Variants in MSR1 observed in about 807,000 individuals in gnomAD.
The protein encoded by MSR1 is macrophage scavenger receptor 1.
In MSR1, 53 loss-of-function variants were observed where a neutral mutation model predicts 47.2. The ratio of observed to expected loss-of-function variants is 1.12; its 90% CI spans 0.90 to 1.41. The LOEUF is 1.41. Among genes scored for constraint, MSR1 ranks in the 40% most tolerant of loss-of-function variants. The pLI is 0.00. For synonymous variants in MSR1, 239 were observed against 185.6 expected (o/e 1.29, Z -2.34); for missense variants, 786 against 546.9 (o/e 1.44, Z -4.36).
At chr8:16,111,679 C>T (rs1246173450) in intron 9 of MSR1, among the ~76,000 whole-genome samples, 1 of 151,154 alleles carries the variant, frequency 6.6e-6, no homozygotes, top group Admixed American at 6.6e-5. Flanking sequence ...GGTTGTGGTC[C>T]TGATAATGAA....
At chr8:16,171,352 AT>A (rs1221245275) in intron 3 of MSR1, among the ~76,000 whole-genome samples, 6 of 152,004 alleles carry the variant, frequency 3.9e-5, no homozygotes, top group Non-Finnish European at 7.4e-5. Context: ...ATGATACCAT[AT>A]TTTTCCTTGT....
intron 3 of MSR1, 84 bp downstream of exon 3, chr8:16,175,103 A>G (rs1039240504): frequency 1.5e-5 from 17 of 1,107,496 alleles, no homozygotes; most frequent in Middle Eastern, 3.9e-4. Flanking sequence ...ACCATATACA[A>G]AAGACTGAAT....
intron 8 of MSR1, among the ~76,000 whole-genome samples, chr8:16,133,450 T>C (rs550922818): frequency 1.3e-5 from 2 of 152,240 alleles, no homozygotes; most frequent in Middle Eastern, 3.4e-3. Context: ...ATGAGAGAAA[T>C]GAGCAAGAGC....
At position 16,168,456 on chromosome 8, in the gene MSR1, A is replaced by G. The variant is rs1250866300; in HGVS notation, c.630+2T>C. On this transcript the variant is annotated splice_donor_variant, in intron 4 of 9. Transcript: ENST00000262101. LOFTEE classifies it high-confidence loss of function. ...GTGACCTTGCAGTCCACAAACTCTT[A>G]CCTCTTGTTGTTTGAAGGTATTCTC... The G allele has an allele frequency of 6.2e-7, 1 of 1,613,932 alleles. No homozygotes were observed. Among genetic ancestry groups the G allele is most frequent in the Admixed American group, 1.7e-5 (1 of 60,010 alleles).
chr8:16,188,858 G>A (rs920635720), intron 1 of MSR1, among the ~76,000 whole-genome samples: 2 of 151,420 alleles, frequency 1.3e-5, no homozygotes, highest in African/African-American at 2.4e-5. Context: ...TTTTATGGCT[G>A]CATAGTAGTC....
Position 16,127,101 on chromosome 8 carries a change from T to C in MSR1, c.1034-6495A>G, listed in dbSNP as rs115715920. The stretch of plus-strand genomic sequence containing the variant: ...GAGAAAAAAAGTATCATATATTAAA[T>C]AGCAGTTTCTCAACTACTTTGTGCT... On this transcript the variant is annotated intron_variant, in intron 8 of 9. Transcript: ENST00000262101. Among the ~76,000 whole-genome samples the C allele has an allele frequency of 4.8e-3, 728 of 152,298 alleles. 6 individuals carry two copies. Among genetic ancestry groups the C allele is most frequent in the African/African-American group, 0.016 (675 of 41,578 alleles).
At chr8:16,138,632 G>A (rs114433347) in intron 8 of MSR1, among the ~76,000 whole-genome samples, 11 of 152,118 alleles carry the variant, frequency 7.2e-5, no homozygotes, top group African/African-American at 2.2e-4. Context: ...CGAGGCCATC[G>A]TGTGGCTGAT....
intron 8 of MSR1, among the ~76,000 whole-genome samples, chr8:16,130,479 A>G (rs943401680): frequency 1.3e-5 from 2 of 152,076 alleles, no homozygotes; most frequent in Non-Finnish European, 2.9e-5. Flanking sequence ...GATTTATTTC[A>G]TTTTTTAAAA....
At position 16,177,873 on chromosome 8, in the gene MSR1, C is replaced by A. The variant is rs767497372; in HGVS notation, c.103+13G>T. The stretch of plus-strand genomic sequence containing the variant: ...GAACAACCTCCATGGGCAGCCCATC[C>A]CCCTCTACTTACTCGGAGGAAGCAA... On this transcript the variant is annotated intron_variant, in intron 2 of 9. Transcript: ENST00000262101. 2.5e-6 allele frequency: 4 copies of A among 1,608,516 alleles called. No individual in the cohort carries two copies. In the Admixed American group the frequency reaches 6.7e-5, roughly 27 times the overall value.
At chr8:16,180,174 TTC>T (rs1192934138) in intron 1 of MSR1, among the ~76,000 whole-genome samples, 3 of 151,918 alleles carry the variant, frequency 2.0e-5, no homozygotes, top group Non-Finnish European at 4.4e-5. Context: ...CCCTTCTCTC[TTC>T]TCTCATTCAC....
chr8:16,162,530 A>C (rs1473934747), intron 5 of MSR1, among the ~76,000 whole-genome samples: 1 of 152,044 alleles, frequency 6.6e-6, no homozygotes, highest in African/African-American at 2.4e-5. Flanking sequence ...CCAGTGGTGC[A>C]GGGTTAAATA....
chr8:16,183,625 T>C (rs1323600989), intron 1 of MSR1, among the ~76,000 whole-genome samples: 1 of 142,496 alleles, frequency 7.0e-6, no homozygotes, highest in Non-Finnish European at 1.5e-5. Flanking sequence ...ATATAATATA[T>C]ATAATATATA....
intron 9 of MSR1, 31 bp downstream of exon 9, chr8:16,120,387 A>T (rs1410561865): frequency 1.2e-6 from 2 of 1,611,572 alleles, no homozygotes; most frequent in African/African-American, 2.7e-5. Context: ...AAACAACAAC[A>T]ACAAACCTCA....
intron 1 of MSR1, among the ~76,000 whole-genome samples, chr8:16,190,008 G>A (rs1322616424): frequency 1.4e-5 from 2 of 144,742 alleles, no homozygotes; most frequent in Non-Finnish European, 3.0e-5. Context: ...TCTGCCTCCT[G>A]GGTTCACGTG....
chr8:16,155,233 C>T, intron 5 of MSR1, 89 bp from the exon 6 acceptor site: 2 of 896,794 alleles, frequency 2.2e-6, no homozygotes, highest in Non-Finnish European at 3.6e-6. Flanking sequence ...TAAGGAAATC[C>T]AAAGTCTTCT....
At chr8:16,122,409 T>C (rs1316966313) in intron 8 of MSR1, among the ~76,000 whole-genome samples, 1 of 152,162 alleles carries the variant, frequency 6.6e-6, no homozygotes, top group Non-Finnish European at 1.5e-5. Context: ...CCAAACATAA[T>C]ATATTTATCA....
intron 9 of MSR1, 142 bp downstream of exon 9, chr8:16,120,276 C>T (rs1799968168): frequency 4.7e-6 from 4 of 845,924 alleles, no homozygotes; most frequent in Admixed American, 2.0e-5. Flanking sequence ...ACTAGGCAGG[C>T]TAAGGGAGGA....
chr8:16,165,168 G>T (rs1303162028), intron 4 of MSR1, among the ~76,000 whole-genome samples: 1 of 151,858 alleles, frequency 6.6e-6, no homozygotes, highest in Non-Finnish European at 1.5e-5. Context: ...TTGACCAAAG[G>T]GACTAAACAT....
intron 5 of MSR1, among the ~76,000 whole-genome samples, chr8:16,160,510 G>C (rs529378839): frequency 2.0e-5 from 3 of 152,120 alleles, no homozygotes; most frequent in African/African-American, 2.4e-5. Context: ...ACCTCACAGA[G>C]CTCACATTCT....
Sources: allele counts gnomAD v4.1 joint callset (sites outside exome capture counted in the v4.1 genomes callset), GRCh38; gene constraint gnomAD v4.1.1; transcripts MANE v1.5; gene names NCBI Gene and HGNC (gene_info 2026-07-23, HGNC 2026-07-21).